WLS: variants seen among roughly 807,000 people sequenced by gnomAD.
WLS encodes protein wntless homolog.
WLS carries 23 observed loss-of-function variants against 62.8 expected under a neutral mutation model. The observed-to-expected ratio is 0.37, with a 90% confidence interval of 0.26 to 0.52. WLS has a LOEUF of 0.52. Among genes scored for constraint, WLS ranks in the 20% least tolerant of loss-of-function variants. WLS has a pLI of 0.92. For missense variants in WLS, 615 were observed against 697.3 expected (o/e 0.88, Z 1.33); for synonymous variants, 246 against 244.1 (o/e 1.01, Z -0.07).
At chr1:68,217,496 C>G (rs1255462863) in intron 1 of WLS, among the ~76,000 whole-genome samples, 2 of 152,180 alleles carry the variant, frequency 1.3e-5, no homozygotes, top group Non-Finnish European at 2.9e-5. Context: ...TGGAAAACTT[C>G]AGTGGTTAAC....
chr1:68,194,543 T>G (rs1648556753), intron 1 of WLS, among the ~76,000 whole-genome samples: 1 of 152,226 alleles, frequency 6.6e-6, no homozygotes, highest in Admixed American at 6.5e-5. Flanking sequence ...AGTTCCCACC[T>G]GATTGAGGTC....
intron 10 of WLS, 109 bp from the exon 11 acceptor site, chr1:68,138,042 G>A: frequency 7.5e-7 from 1 of 1,332,530 alleles, no homozygotes; most frequent in African/African-American, 1.5e-5. Context: ...TCTACATGTG[G>A]GAAACATGAA....
chr1:68,163,095 T>C (rs1419869189), intron 2 of WLS: 3 of 1,551,132 alleles, frequency 1.9e-6, no homozygotes, highest in East Asian at 2.2e-5. Flanking sequence ...GGCCATACTT[T>C]ATGGAACTTT....
At chr1:68,141,450 G>A (rs1191643300) in intron 10 of WLS, 1 of 152,158 alleles carries the variant, frequency 6.6e-6, no homozygotes, top group Non-Finnish European at 1.5e-5. Flanking sequence ...ATACCAGACT[G>A]CGATGTACCA....
intron 11 of WLS, among the ~76,000 whole-genome samples, chr1:68,131,191 G>A (rs1054924000): frequency 2.7e-5 from 4 of 146,924 alleles, no homozygotes; most frequent in East Asian, 2.0e-4. Context: ...GATTACAGGC[G>A]TGAGCCACCG....
intron 2 of WLS, among the ~76,000 whole-genome samples, chr1:68,178,647 G>A (rs1165483358): frequency 2.0e-5 from 3 of 148,816 alleles, no homozygotes; most frequent in South Asian, 2.1e-4. Flanking sequence ...GGGAGGTTGC[G>A]GTGAGCCAAG....
intron 8 of WLS, 27 bp from the exon 9 acceptor site, chr1:68,146,039 C>T (rs770599962): frequency 8.1e-6 from 13 of 1,610,822 alleles, no homozygotes; most frequent in South Asian, 2.2e-5. Context: ...AAGGAAACAA[C>T]GGGCTAGCCA....
chr1:68,173,317 C>G (rs1647182008), intron 2 of WLS, among the ~76,000 whole-genome samples: 2 of 152,024 alleles, frequency 1.3e-5, no homozygotes, highest in South Asian at 4.1e-4. Flanking sequence ...GGAAAACACA[C>G]AGTGGGTTTC....
intron 1 of WLS, among the ~76,000 whole-genome samples, chr1:68,226,264 C>T (rs1195659182): frequency 6.6e-6 from 1 of 152,118 alleles, no homozygotes; most frequent in Non-Finnish European, 1.5e-5. Flanking sequence ...ATAATCTAGG[C>T]TCTGATGTCC....
At chr1:68,214,182 AACACACACAC>A (rs71581159) in intron 1 of WLS, among the ~76,000 whole-genome samples, 2 of 146,512 alleles carry the variant, frequency 1.4e-5, no homozygotes, top group Non-Finnish European at 3.0e-5. Flanking sequence ...GTGATCTCTG[AACACACACAC>A]ACACACACAC....
At chr1:68,192,866 G>A (rs1280713057) in intron 2 of WLS, among the ~76,000 whole-genome samples, 1 of 150,794 alleles carries the variant, frequency 6.6e-6, no homozygotes, top group Non-Finnish European at 1.5e-5. Context: ...AGGCCAAGGT[G>A]GGTGGATCAC....
Position 68,125,721 on chromosome 1 carries a change from TG to T in WLS, c.*504del. ...ATTGACAACTTAAATATTAACTCAGTGGGCTACCTGGTGATATAAATAGGAA... is the reference window on the plus strand; with the variant it reads ...ATTGACAACTTAAATATTAACTCAGTGGCTACCTGGTGATATAAATAGGAA... On this transcript the variant is annotated 3_prime_UTR_variant, in exon 12 of 12. Transcript: ENST00000262348. The T allele has an allele frequency of 1.0e-6, 1 of 986,234 alleles. No individual in the cohort carries two copies. Among genetic ancestry groups the T allele is most frequent in the Non-Finnish European group, 1.2e-6 (1 of 830,496 alleles). The allele number at this position is 986,234 out of a possible 1,614,324, so 61.1% of individuals were successfully genotyped here. A position where few individuals can be genotyped will look rare whatever the true frequency, so the allele number is the denominator to read the frequency against.
At chr1:68,184,572 G>A (rs1647797339) in intron 2 of WLS, among the ~76,000 whole-genome samples, 1 of 152,142 alleles carries the variant, frequency 6.6e-6, no homozygotes, top group African/African-American at 2.4e-5. Flanking sequence ...TGTTAAGGCT[G>A]ACTTTTTTCT....
downstream of WLS, among the ~76,000 whole-genome samples, chr1:68,120,715 TGTGCGCGCGC>T (rs1376877764): frequency 1.9e-3 from 245 of 131,050 alleles, 1 homozygote; most frequent in African/African-American, 6.6e-3. Flanking sequence ...TGTGTGTGTG[TGTGCGCGCGC>T]GCACATGTGC....
chr1:68,204,809 C>A (rs1043379238), intron 1 of WLS, among the ~76,000 whole-genome samples: 1 of 152,088 alleles, frequency 6.6e-6, no homozygotes, highest in Non-Finnish European at 1.5e-5. Flanking sequence ...TCCTTTGGTG[C>A]CAGTATCACC....
intron 11 of WLS, among the ~76,000 whole-genome samples, chr1:68,101,306 C>CTATTAT (rs372414383): frequency 5.5e-4 from 83 of 151,680 alleles, no homozygotes; most frequent in African/African-American, 1.9e-3. Context: ...ATCATATTTG[C>CTATTAT]TATTATTATT....
intron 3 of WLS, among the ~76,000 whole-genome samples, chr1:68,156,000 G>A (rs995995661): frequency 4.6e-5 from 7 of 152,138 alleles, no homozygotes; most frequent in Admixed American, 1.3e-4. Context: ...CTTGGACTTC[G>A]TGCCAAACAA....
At chr1:68,183,619 G>T in intron 2 of WLS, 1 of 458,356 alleles carries the variant, frequency 2.2e-6, no homozygotes, top group Non-Finnish European at 4.4e-6. Context: ...ATAATGTGAG[G>T]GGTGAATTTG....
At chr1:68,123,435 G>A (rs1428089465), downstream of WLS, among the ~76,000 whole-genome samples, 1 of 151,560 alleles carries the variant, frequency 6.6e-6, no homozygotes, top group Non-Finnish European at 1.5e-5. Context: ...ACCACTCTTG[G>A]TGGTCATCTG....
Sources: gnomAD v4.1 joint callset for allele counts (sites outside exome capture counted in the v4.1 genomes callset) on GRCh38, gnomAD v4.1.1 for gene constraint, MANE v1.5 for transcripts, NCBI Gene and HGNC (gene_info 2026-07-23, HGNC 2026-07-21) for gene names.